GPC3: variants seen among roughly 807,000 people sequenced by gnomAD.
GPC3 encodes the protein glypican-3.
In GPC3, 3 loss-of-function variants were observed where a neutral mutation model predicts 34.4. The ratio of observed to expected loss-of-function variants is 0.09; its 90% CI spans 0.04 to 0.23. The LOEUF (loss-of-function observed/expected upper bound fraction) is 0.23. GPC3 is among the 10% of genes least tolerant of loss of function. The pLI is 1.00. For synonymous variants in GPC3, 177 were observed against 174.0 expected, an observed-to-expected ratio of 1.02 and a Z score of -0.13; for missense variants, 351 against 445.6, an observed-to-expected ratio of 0.79 and a Z score of 1.91.
At chrX:133,932,988 G>A (rs1005181378) in intron 2 of GPC3, among the ~76,000 whole-genome samples, 13 of 111,018 alleles carry the variant, frequency 1.2e-4, no homozygotes, top group African/African-American at 3.9e-4. Flanking sequence ...TGCATATAGC[G>A]CTATTTGGTT....
intron 6 of GPC3, among the ~76,000 whole-genome samples, chrX:133,661,054 A>T (rs1162004575): frequency 1.8e-5 from 2 of 110,666 alleles, no homozygotes; most frequent in East Asian, 5.7e-4. Flanking sequence ...CTATAGTACC[A>T]GCTACTCGGG....
intron 2 of GPC3, among the ~76,000 whole-genome samples, chrX:133,870,438 T>C (rs762133825): frequency 1.6e-4 from 18 of 111,741 alleles, no homozygotes; most frequent in Non-Finnish European, 3.2e-4. Context: ...AGCTTAACTT[T>C]AGCTGAGCCC....
intron 2 of GPC3, among the ~76,000 whole-genome samples, chrX:133,865,936 T>G (rs1178230621): frequency 1.8e-5 from 2 of 112,240 alleles, no homozygotes; most frequent in African/African-American, 6.5e-5. Context: ...AACTATTACT[T>G]GTCATGTAAA....
At chrX:133,671,984 T>C (rs1170542280) in intron 5 of GPC3, among the ~76,000 whole-genome samples, 1 of 112,081 alleles carries the variant, frequency 8.9e-6, no homozygotes, top group Non-Finnish European at 1.9e-5. Flanking sequence ...TAGAATCTGT[T>C]TACAGTGCAG....
chrX:133,672,917 T>C (rs978523478), intron 5 of GPC3, among the ~76,000 whole-genome samples: 12 of 106,736 alleles, frequency 1.1e-4, no homozygotes, highest in Non-Finnish European at 1.9e-4. Context: ...CCCAAAGTGC[T>C]AGGATTATAG....
At chrX:133,629,428 C>T (rs1206295460) in intron 6 of GPC3, among the ~76,000 whole-genome samples, 1 of 111,162 alleles carries the variant, frequency 9.0e-6, no homozygotes, top group Non-Finnish European at 1.9e-5. Context: ...CAAAGTCTCG[C>T]TTTGTTGCCC....
At chrX:133,893,750 G>A (rs1311643632) in intron 2 of GPC3, among the ~76,000 whole-genome samples, 1 of 111,786 alleles carries the variant, frequency 8.9e-6, no homozygotes, top group Non-Finnish European at 1.9e-5. Flanking sequence ...TTTTTGATGG[G>A]GAGGGAAGTC....
intron 6 of GPC3, among the ~76,000 whole-genome samples, chrX:133,616,977 C>T (rs1251088672): frequency 1.8e-5 from 2 of 111,245 alleles, no homozygotes; most frequent in South Asian, 3.8e-4. Context: ...GGATTACAGG[C>T]GTGAGCCACC....
chrX:133,590,355 C>T (rs1018773704), intron 7 of GPC3, among the ~76,000 whole-genome samples: 2 of 111,491 alleles, frequency 1.8e-5, no homozygotes, highest in Non-Finnish European at 3.8e-5. Context: ...AAGGGAAATA[C>T]ATTACCCTTG....
At chrX:133,605,405 C>T (rs1366122005) in intron 6 of GPC3, among the ~76,000 whole-genome samples, 1 of 111,837 alleles carries the variant, frequency 8.9e-6, no homozygotes. Flanking sequence ...CATATAGTTC[C>T]ATGTATTCTT....
At chrX:133,795,587 A>G (rs2075574518) in intron 2 of GPC3, among the ~76,000 whole-genome samples, 1 of 110,692 alleles carries the variant, frequency 9.0e-6, no homozygotes, top group Non-Finnish European at 1.9e-5. Flanking sequence ...TCTTCAAAAG[A>G]AAAAAAAACA....
intron 6 of GPC3, among the ~76,000 whole-genome samples, chrX:133,635,986 T>C (rs1399372012): frequency 9.0e-6 from 1 of 111,419 alleles, no homozygotes; most frequent in African/African-American, 3.3e-5. Context: ...CATTTCCCTA[T>C]CTCTAATGGG....
intron 5 of GPC3, among the ~76,000 whole-genome samples, chrX:133,678,620 G>C (rs1456369080): frequency 8.1e-5 from 9 of 111,523 alleles, no homozygotes. Flanking sequence ...TCACTGTAGG[G>C]GCCAGAGGGT....
At chrX:133,869,301 A>C (rs1248548966) in intron 2 of GPC3, among the ~76,000 whole-genome samples, 2 of 112,253 alleles carry the variant, frequency 1.8e-5, no homozygotes, top group Admixed American at 1.9e-4. Flanking sequence ...GATCAGATAC[A>C]TGGCGCCTAG....
At chrX:133,798,033 C>G (rs1004769019) in intron 2 of GPC3, among the ~76,000 whole-genome samples, 3 of 111,675 alleles carry the variant, frequency 2.7e-5, no homozygotes, top group Non-Finnish European at 5.6e-5. Flanking sequence ...TTGTCAAAAA[C>G]TTCAAGACAT....
chrX:133,638,018 A>G (rs1045675733), intron 6 of GPC3, among the ~76,000 whole-genome samples: 2 of 111,598 alleles, frequency 1.8e-5, no homozygotes, highest in Non-Finnish European at 3.8e-5. Context: ...AAAATGAGTC[A>G]TTACTAAATA....
intron 3 of GPC3, among the ~76,000 whole-genome samples, chrX:133,745,663 G>A (rs1449604637): frequency 8.9e-6 from 1 of 112,528 alleles, no homozygotes; most frequent in East Asian, 2.8e-4. Flanking sequence ...TGGCACATGG[G>A]CCTGCTTTTT....
chrX:133,683,503 C>T (rs778710223), intron 5 of GPC3, among the ~76,000 whole-genome samples: 3 of 111,640 alleles, frequency 2.7e-5, no homozygotes, highest in Non-Finnish European at 5.6e-5. Context: ...GCTTTGGAGG[C>T]CCCCAAATGC....
chrX:133,901,549 T>G (rs1164972293), intron 2 of GPC3, among the ~76,000 whole-genome samples: 2 of 111,443 alleles, frequency 1.8e-5, no homozygotes, highest in Non-Finnish European at 3.8e-5. Context: ...CAAGCGATTC[T>G]CCTGCCTTAG....
Sources: allele counts gnomAD v4.1 joint callset (sites outside exome capture counted in the v4.1 genomes callset), GRCh38; gene constraint gnomAD v4.1.1; transcripts MANE v1.5; gene names NCBI Gene and HGNC (gene_info 2026-07-23, HGNC 2026-07-21).